The following IQCM variants were observed in gnomAD, a reference collection of about 807,000 sequenced individuals.
IQCM encodes the protein IQ domain-containing protein M.
Under a neutral mutation model 57.6 loss-of-function variants are expected in IQCM, and 45 were observed. That is an observed-to-expected ratio of 0.78 (90% CI 0.62 to 1.00). The LOEUF is 1.00. Ranked by LOEUF, IQCM falls within the 50% of genes least tolerant of loss-of-function variation. IQCM has a pLI of 0.00. For missense variants in IQCM, 468 were observed against 511.6 expected (o/e 0.91, Z 0.82); for synonymous variants, 148 against 158.9 (o/e 0.93, Z 0.51).
chr4:149,524,039 T>C (rs1179541113), intron 12 of IQCM, among the ~76,000 whole-genome samples: 2 of 152,114 alleles, frequency 1.3e-5, no homozygotes, highest in Non-Finnish European at 2.9e-5. Flanking sequence ...TAATTTATGA[T>C]AGATAAATTC....
Position 149,658,678 on chromosome 4 carries a change from A to G in IQCM, c.565+23440T>C, listed in dbSNP as rs560668448. On this transcript the variant is annotated intron_variant, in intron 7 of 13. Coordinates refer to ENST00000636793, the MANE Select transcript of IQCM (RefSeq NM_001363507.2). ...TTTAATAAGTGTTTTGAAGTCTTCAATGAAGACATCTTTCACAACTTTGGT... is the reference window on the plus strand; with the variant it reads ...TTTAATAAGTGTTTTGAAGTCTTCAGTGAAGACATCTTTCACAACTTTGGT... Among the ~76,000 whole-genome samples, 4 of 152,150 alleles carry G rather than the reference A, an allele frequency of 2.6e-5. No homozygotes were observed. The East Asian group carries it at 5.8e-4, about 22-fold the overall frequency.
At chr4:149,446,435 A>C (rs932631044) in intron 12 of IQCM, among the ~76,000 whole-genome samples, 1 of 151,786 alleles carries the variant, frequency 6.6e-6, no homozygotes, top group Non-Finnish European at 1.5e-5. Flanking sequence ...GAACAATAAT[A>C]GAAATTTATG....
chr4:149,478,617 C>A (rs1740457144), intron 12 of IQCM, among the ~76,000 whole-genome samples: 1 of 152,076 alleles, frequency 6.6e-6, no homozygotes, highest in African/African-American at 2.4e-5. Flanking sequence ...TTTGGACTAC[C>A]AGGAAACACA....
chr4:149,801,911 C>G (rs1773639441), intron 2 of IQCM, among the ~76,000 whole-genome samples: 1 of 151,834 alleles, frequency 6.6e-6, no homozygotes, highest in Non-Finnish European at 1.5e-5. Context: ...GTTTGTAACA[C>G]CAAAGACAAA....
intron 2 of IQCM, among the ~76,000 whole-genome samples, chr4:149,766,700 CAAATGA>C (rs1770093884): frequency 6.6e-6 from 1 of 152,072 alleles, no homozygotes; most frequent in Non-Finnish European, 1.5e-5. Flanking sequence ...TACTTGCTAA[CAAATGA>C]CCCAACTGTT....
At chr4:149,522,797 T>A (rs1745786635) in intron 12 of IQCM, among the ~76,000 whole-genome samples, 1 of 152,168 alleles carries the variant, frequency 6.6e-6, no homozygotes, top group Non-Finnish European at 1.5e-5. Flanking sequence ...AACTTGAATG[T>A]ACAAGTTGAA....
intron 7 of IQCM, among the ~76,000 whole-genome samples, chr4:149,627,990 G>T (rs1046528209): frequency 2.0e-5 from 3 of 152,180 alleles, no homozygotes; most frequent in Admixed American, 2.0e-4. Flanking sequence ...AATGGAAACA[G>T]ATTCTTCCCT....
chr4:149,476,105 T>A (rs1740158054), intron 12 of IQCM, among the ~76,000 whole-genome samples: 1 of 151,664 alleles, frequency 6.6e-6, no homozygotes, highest in Non-Finnish European at 1.5e-5. Flanking sequence ...GAGATGAAAA[T>A]TACTGTAGTA....
intron 5 of IQCM, among the ~76,000 whole-genome samples, chr4:149,726,104 A>AAAG (rs1765887558): frequency 2.1e-5 from 3 of 146,296 alleles, no homozygotes; most frequent in Non-Finnish European, 4.5e-5. Flanking sequence ...AGAAAGAAAG[A>AAAG]AAGAAAGAAA....
chr4:149,405,411 G>T (rs1181458065), intron 13 of IQCM, among the ~76,000 whole-genome samples: 1 of 151,862 alleles, frequency 6.6e-6, no homozygotes, highest in African/African-American at 2.4e-5. Flanking sequence ...GCCTGTCAGG[G>T]GATGGGGGGC....
At chr4:149,405,683 G>C (rs1732923468) in intron 13 of IQCM, among the ~76,000 whole-genome samples, 1 of 151,590 alleles carries the variant, frequency 6.6e-6, no homozygotes, top group Admixed American at 6.6e-5. Flanking sequence ...TTCTGAAATA[G>C]CTCTGAATAG....
chr4:149,444,337 A>G (rs1503714), intron 12 of IQCM, among the ~76,000 whole-genome samples: 147,536 of 151,898 alleles, frequency 0.97, 71,798 homozygotes, highest in East Asian at 1. Flanking sequence ...TATCAATCAG[A>G]TTATCTAATA....
At chr4:149,591,026 G>A (rs895236729) in intron 8 of IQCM, among the ~76,000 whole-genome samples, 10 of 152,064 alleles carry the variant, frequency 6.6e-5, no homozygotes, top group Middle Eastern at 6.8e-3. Flanking sequence ...GAATATGTAA[G>A]TCATTTATTA....
intron 7 of IQCM, among the ~76,000 whole-genome samples, chr4:149,647,478 G>A (rs1049298536): frequency 2.6e-5 from 4 of 152,000 alleles, no homozygotes; most frequent in Non-Finnish European, 5.9e-5. Context: ...TTTTAGATTG[G>A]AAGTTGTGTT....
intron 5 of IQCM, among the ~76,000 whole-genome samples, chr4:149,731,261 A>G (rs1766431932): frequency 6.6e-6 from 1 of 152,194 alleles, no homozygotes; most frequent in African/African-American, 2.4e-5. Context: ...TCCTAATAAG[A>G]GAGGTTTCAG....
intron 13 of IQCM, among the ~76,000 whole-genome samples, chr4:149,384,741 T>C (rs1731299491): frequency 6.6e-6 from 1 of 150,874 alleles, no homozygotes; most frequent in African/African-American, 2.5e-5. Flanking sequence ...CCTTTTCTCC[T>C]GTTAATCTTT....
At chr4:149,551,269 C>T (rs545630523) in intron 11 of IQCM, among the ~76,000 whole-genome samples, 1 of 152,306 alleles carries the variant, frequency 6.6e-6, no homozygotes, top group South Asian at 2.1e-4. Flanking sequence ...CATAGTCCAC[C>T]TGGCTTATCC....
chr4:149,517,956 T>A (rs1745159561), intron 12 of IQCM, among the ~76,000 whole-genome samples: 1 of 152,200 alleles, frequency 6.6e-6, no homozygotes. Context: ...CTCCACTTTA[T>A]ATACATGTAT....
chr4:149,491,637 T>C (rs1273502140), intron 12 of IQCM, among the ~76,000 whole-genome samples: 1 of 152,096 alleles, frequency 6.6e-6, no homozygotes, highest in Non-Finnish European at 1.5e-5. Context: ...ACATATAAGA[T>C]TTTTTTATCC....
Sources: gnomAD v4.1 joint callset for allele counts (sites outside exome capture counted in the v4.1 genomes callset) on GRCh38, gnomAD v4.1.1 for gene constraint, MANE v1.5 for transcripts, NCBI Gene and HGNC (gene_info 2026-07-23, HGNC 2026-07-21) for gene names.